Variants in NRXN1 observed in about 807,000 individuals in gnomAD.
NRXN1 encodes neurexin-1.
A neutral mutation model predicts 150.9 loss-of-function variants in NRXN1; 39 were observed. The observed-to-expected ratio is 0.26, with a 90% confidence interval of 0.20 to 0.34. NRXN1 has a LOEUF of 0.34. NRXN1 is among the 10% of genes least tolerant of loss of function. The pLI is 1.00. For synonymous variants in NRXN1, 924 were observed against 757.0 expected (o/e 1.22, Z -3.62); for missense variants, 1,815 against 1,949.9 (o/e 0.93, Z 1.30).
intron 5 of NRXN1, chr2:50,918,269 T>C (rs888293714): frequency 1.3e-4 from 23 of 176,860 alleles, no homozygotes; most frequent in Admixed American, 4.4e-4. Flanking sequence ...CTCTTTAAAA[T>C]GGACAGTTGA....
At chr2:50,872,633 T>C (rs1436975755) in intron 5 of NRXN1, among the ~76,000 whole-genome samples, 1 of 151,508 alleles carries the variant, frequency 6.6e-6, no homozygotes, top group East Asian at 2.0e-4. Flanking sequence ...TAAAATAAAA[T>C]AATCACTCTC....
At chr2:50,560,959 T>G (rs1360105768) in intron 8 of NRXN1, among the ~76,000 whole-genome samples, 2 of 152,182 alleles carry the variant, frequency 1.3e-5, no homozygotes, top group East Asian at 3.9e-4. Context: ...ATATGACATT[T>G]TATTTAAAAC....
intron 15 of NRXN1, among the ~76,000 whole-genome samples, chr2:50,481,157 G>A (rs1218652363): frequency 1.3e-5 from 2 of 152,210 alleles, no homozygotes; most frequent in African/African-American, 2.4e-5. Flanking sequence ...TTAATTGTCC[G>A]TTAATCCAGA....
intron 17 of NRXN1, among the ~76,000 whole-genome samples, chr2:50,371,467 A>G (rs1157243795): frequency 6.6e-6 from 1 of 152,094 alleles, no homozygotes; most frequent in African/African-American, 2.4e-5. Context: ...TTTTAGGAAC[A>G]GAAAGACCTA....
chr2:50,838,535 C>T (rs990374994), intron 5 of NRXN1, among the ~76,000 whole-genome samples: 1 of 152,032 alleles, frequency 6.6e-6, no homozygotes, highest in Non-Finnish European at 1.5e-5. Context: ...ATGGAAATAA[C>T]GTCTCTACAA....
intron 18 of NRXN1, among the ~76,000 whole-genome samples, chr2:50,138,729 G>T (rs187991626): frequency 1.3e-5 from 2 of 152,062 alleles, no homozygotes. Context: ...GGGCTGTGCC[G>T]CCCTCTGATT....
chr2:50,928,060 T>C lies in NRXN1; in HGVS notation c.773-2105A>G, dbSNP rs1359763269. 2.6e-5 allele frequency among the ~76,000 whole-genome samples: 4 copies of C among 152,086 alleles called. No individual in the cohort carries two copies. In the East Asian group the frequency reaches 5.8e-4, roughly 22 times the overall value. ...CTAGGTTTTGCCATGGATCCTACTC[T>C]ACCATCTAGCATTTTTTTCTGAATT... On this transcript the variant is annotated intron_variant, in intron 2 of 22. Coordinates refer to ENST00000401669, the MANE Select transcript of NRXN1 (RefSeq NM_001330078.2).
At chr2:50,998,770 G>C (rs902684241) in intron 2 of NRXN1, among the ~76,000 whole-genome samples, 1 of 151,836 alleles carries the variant, frequency 6.6e-6, no homozygotes, top group Non-Finnish European at 1.5e-5. Flanking sequence ...ATAAATTTTG[G>C]TACAACACAT....
At chr2:50,348,070 T>A (rs945120947) in intron 17 of NRXN1, among the ~76,000 whole-genome samples, 13 of 152,172 alleles carry the variant, frequency 8.5e-5, no homozygotes, top group African/African-American at 3.1e-4. Context: ...ACCAGTGTCT[T>A]TAGAGATCTT....
At chr2:50,141,680 A>G (rs549596077) in intron 18 of NRXN1, among the ~76,000 whole-genome samples, 5 of 152,242 alleles carry the variant, frequency 3.3e-5, no homozygotes, top group Admixed American at 6.6e-5. Context: ...GAAGACATAC[A>G]AACAGCCAAC....
intron 5 of NRXN1, among the ~76,000 whole-genome samples, chr2:50,679,143 T>C (rs1689981992): frequency 6.6e-6 from 1 of 151,572 alleles, no homozygotes. Context: ...GTCAGAAGAG[T>C]ATGTGGAAAA....
At chr2:50,206,709 T>C (rs970964400) in intron 18 of NRXN1, among the ~76,000 whole-genome samples, 3 of 152,100 alleles carry the variant, frequency 2.0e-5, no homozygotes, top group African/African-American at 7.2e-5. Flanking sequence ...AGCTTTGCTC[T>C]ACTATTGAAG....
chr2:50,971,581 C>A (rs1389119069), intron 2 of NRXN1, among the ~76,000 whole-genome samples: 1 of 151,372 alleles, frequency 6.6e-6, no homozygotes, highest in Non-Finnish European at 1.5e-5. Context: ...AAGACTCGAT[C>A]TCAAAAAAAT....
chr2:50,329,673 A>ATT (rs749453098), intron 17 of NRXN1, among the ~76,000 whole-genome samples: 3 of 28,806 alleles, frequency 1.0e-4, no homozygotes, highest in East Asian at 3.0e-3. Flanking sequence ...ATATATATAT[A>ATT]TTTTTTTTTT....
intron 5 of NRXN1, chr2:50,829,530 G>T (rs1223052789): frequency 6.2e-7 from 1 of 1,609,034 alleles, no homozygotes; most frequent in South Asian, 1.1e-5. Flanking sequence ...AAGTGCGATG[G>T]CCTTATAAGG....
chr2:50,487,688 C>T (rs990046718), intron 15 of NRXN1, among the ~76,000 whole-genome samples: 6 of 152,224 alleles, frequency 3.9e-5, no homozygotes, highest in East Asian at 3.9e-4. Context: ...TTTCTTCTGG[C>T]GGGGACTGTG....
chr2:50,379,519 C>G (rs114084824), intron 17 of NRXN1, among the ~76,000 whole-genome samples: 13 of 152,056 alleles, frequency 8.5e-5, no homozygotes, highest in African/African-American at 3.1e-4. Flanking sequence ...ATAAAACAGA[C>G]CACTGAGCTA....
intron 5 of NRXN1, among the ~76,000 whole-genome samples, chr2:50,868,449 G>A (rs937052642): frequency 6.6e-6 from 1 of 151,002 alleles, no homozygotes; most frequent in Non-Finnish European, 1.5e-5. Flanking sequence ...TACTTAAATG[G>A]GTACAGTGTA....
At chr2:50,148,983 G>A (rs1381610646) in intron 18 of NRXN1, among the ~76,000 whole-genome samples, 1 of 151,680 alleles carries the variant, frequency 6.6e-6, no homozygotes, top group African/African-American at 2.4e-5. Flanking sequence ...TGGGTTGAAA[G>A]TCTATTTGCC....
Sources: gnomAD v4.1 joint callset for allele counts (sites outside exome capture counted in the v4.1 genomes callset) on GRCh38, gnomAD v4.1.1 for gene constraint, MANE v1.5 for transcripts, NCBI Gene and HGNC (gene_info 2026-07-23, HGNC 2026-07-21) for gene names.